PLD1: variants seen among roughly 807,000 people sequenced by gnomAD.
PLD1 encodes the protein phospholipase D1, also known as choline phosphatase 1.
A neutral mutation model predicts 137.1 loss-of-function variants in PLD1; 112 were observed. The observed-to-expected ratio is 0.82, with a 90% CI of 0.70 to 0.96. PLD1 has a LOEUF of 0.96. PLD1 is among the 40% of genes least tolerant of loss of function. The probability of loss-of-function intolerance (pLI) is 0.00; values close to 1 mark genes in which losing one functional copy is unlikely to be tolerated. For synonymous variants in PLD1, 431 were observed against 454.7 expected (o/e 0.95, Z 0.66); for missense variants, 1,321 against 1,342.0 (o/e 0.98, Z 0.24).
At chr3:171,709,423 A>C in intron 10 of PLD1, 137 bp downstream of exon 10, 1 of 619,124 alleles carries the variant, frequency 1.6e-6, no homozygotes, top group Non-Finnish European at 2.7e-6. Context: ...TCCCATAATT[A>C]TCACAAAAAG....
At chr3:171,788,565 A>G (rs1723100439) in intron 1 of PLD1, 1 of 152,202 alleles carries the variant, frequency 6.6e-6, no homozygotes, top group South Asian at 2.1e-4. Context: ...AAGAGACAAT[A>G]TAACAACAAA....
chr3:171,722,346 T>C (rs1225210829), intron 8 of PLD1, among the ~76,000 whole-genome samples: 1 of 152,222 alleles, frequency 6.6e-6, no homozygotes, highest in African/African-American at 2.4e-5. Context: ...TACTTAAGTT[T>C]TTGTTAAAGT....
At chr3:171,705,632 T>C (rs1220376412) in intron 11 of PLD1, among the ~76,000 whole-genome samples, 1 of 152,256 alleles carries the variant, frequency 6.6e-6, no homozygotes, top group African/African-American at 2.4e-5. Context: ...GAAACGATGT[T>C]GCTGATACAA....
At chr3:171,639,349 T>C (rs1360233794) in intron 23 of PLD1, among the ~76,000 whole-genome samples, 7 of 132,204 alleles carry the variant, frequency 5.3e-5, no homozygotes, top group Admixed American at 8.2e-5. Context: ...ATAAAAGATA[T>C]ATATGAATAT....
At chr3:171,637,221 C>T (rs992831902) in intron 23 of PLD1, among the ~76,000 whole-genome samples, 1 of 152,124 alleles carries the variant, frequency 6.6e-6, no homozygotes, top group African/African-American at 2.4e-5. Context: ...GAATATTGAT[C>T]TGATTGATCT....
At chr3:171,788,446 AC>A (rs1215619880) in intron 1 of PLD1, 1 of 152,078 alleles carries the variant, frequency 6.6e-6, no homozygotes, top group Non-Finnish European at 1.5e-5. Flanking sequence ...TTCCTGGATT[AC>A]TCGTATACCT....
chr3:171,610,570 A>G lies in PLD1; in HGVS notation c.2882+1709T>C, dbSNP rs187255594. Among the ~76,000 whole-genome samples, 29 of 152,360 alleles carry G rather than the reference A, an allele frequency of 1.9e-4. No homozygotes were observed. In the East Asian group the frequency reaches 5.2e-3, roughly 27 times the overall value. ...CCTCTACCTTCTATAATTATTACAC[A>G]TTTAAAAAGTTATAAAGAAACTCAT... On this transcript the variant is annotated intron_variant, in intron 25 of 26. Coordinates refer to ENST00000351298, the MANE Select transcript of PLD1 (RefSeq NM_002662.5).
At chr3:171,643,083 A>T (rs1735904405) in intron 22 of PLD1, 194 bp from the exon 23 acceptor site, 1 of 426,136 alleles carries the variant, frequency 2.3e-6, no homozygotes, top group Non-Finnish European at 4.1e-6. Flanking sequence ...GGGACATGAT[A>T]GTTGTTTTGA....
At chr3:171,742,601 A>AC (rs1300881212) in intron 1 of PLD1, among the ~76,000 whole-genome samples, 1 of 152,214 alleles carries the variant, frequency 6.6e-6, no homozygotes, top group Non-Finnish European at 1.5e-5. Context: ...TTATGATTAG[A>AC]TAGTTTAAAC....
Position 171,714,057 on chromosome 3 carries a change from T to C in PLD1, c.759-12A>G. On this transcript the variant is annotated splice_polypyrimidine_tract_variant and intron_variant, in intron 8 of 26. Transcript: ENST00000351298. ...TCACTATTAACCATCTGTAAGAAGG[T>C]AGTAAGTATTTTTAAAAGTTGCATT... 6.4e-7 allele frequency: 1 copy of C among 1,555,164 alleles called. No individual in the cohort carries two copies. The highest frequency in any genetic ancestry group is 8.8e-7 in the Non-Finnish European group (1 of 1,130,504).
intron 1 of PLD1, among the ~76,000 whole-genome samples, chr3:171,764,883 GA>G (rs369681569): frequency 4.0e-5 from 1 of 25,164 alleles, no homozygotes; most frequent in South Asian, 8.2e-4. Flanking sequence ...AAGAAAGAAA[GA>G]AAGAAAGAAA....
At chr3:171,613,634 A>G (rs1338724886) in intron 24 of PLD1, among the ~76,000 whole-genome samples, 2 of 151,648 alleles carry the variant, frequency 1.3e-5, no homozygotes, top group African/African-American at 2.4e-5. Context: ...CCTCCATTCT[A>G]TTTTTTAAAA....
intron 24 of PLD1, among the ~76,000 whole-genome samples, chr3:171,619,310 T>A (rs1180250646): frequency 2.6e-5 from 4 of 152,172 alleles, no homozygotes; most frequent in Non-Finnish European, 5.9e-5. Context: ...TTTCTATGTA[T>A]ATAAAAGAAT....
chr3:171,767,817 C>A (rs1424927931), intron 1 of PLD1, among the ~76,000 whole-genome samples: 3 of 152,054 alleles, frequency 2.0e-5, no homozygotes, highest in Non-Finnish European at 4.4e-5. Context: ...ATGGCTCATG[C>A]CTGTAATCCC....
At chr3:171,665,661 T>C (rs1274485189) in intron 19 of PLD1, among the ~76,000 whole-genome samples, 1 of 151,558 alleles carries the variant, frequency 6.6e-6, no homozygotes, top group African/African-American at 2.4e-5. Flanking sequence ...AATCATAGCA[T>C]TGCACTCCAG....
Position 171,725,094 on chromosome 3 carries a change from G to A in PLD1, c.666-306C>T, listed in dbSNP as rs183513783. On this transcript the variant is annotated intron_variant, in intron 7 of 26. Transcript: ENST00000351298. Reference sequence around the variant, plus strand: ...AAATGTTGAGTGTTCCCGTTAACTCGTCATTAATGGGTGCAGCACACCAAC... The same window carrying A: ...AAATGTTGAGTGTTCCCGTTAACTCATCATTAATGGGTGCAGCACACCAAC... Among the ~76,000 whole-genome samples the A allele has an allele frequency of 7.5e-4, 114 of 152,180 alleles. 1 individual carries two copies. The highest frequency in any genetic ancestry group is 1.2e-3 in the Non-Finnish European group (80 of 68,018).
chr3:171,613,039 G>C (rs550320420), intron 24 of PLD1, among the ~76,000 whole-genome samples: 1 of 151,930 alleles, frequency 6.6e-6, no homozygotes, highest in African/African-American at 2.4e-5. Flanking sequence ...GTGTGGTGAC[G>C]CATGCCTGTA....
chr3:171,663,041 A>G (rs2108440731), intron 19 of PLD1, among the ~76,000 whole-genome samples: 1 of 152,342 alleles, frequency 6.6e-6, no homozygotes, highest in Non-Finnish European at 1.5e-5. Context: ...GATTAAACCC[A>G]TCGAAGTGGA....
At chr3:171,660,602 TTTTA>T (rs145860862) in intron 20 of PLD1, among the ~76,000 whole-genome samples, 4,308 of 151,908 alleles carry the variant, frequency 0.028, 150 homozygotes, top group African/African-American at 0.082. Context: ...TTATTTTATT[TTTTA>T]TTTTTTTTAT....
Sources: allele counts gnomAD v4.1 joint callset (sites outside exome capture counted in the v4.1 genomes callset), GRCh38; gene constraint gnomAD v4.1.1; transcripts MANE v1.5; gene names NCBI Gene and HGNC (gene_info 2026-07-23, HGNC 2026-07-21).